Variants in CENPW observed in about 807,000 individuals in gnomAD.
The protein encoded by CENPW is cancer-up-regulated gene 2 protein.
CENPW carries 3 observed loss-of-function variants against 11.1 expected under a neutral mutation model. The observed-to-expected ratio is 0.27, with a 90% CI of 0.12 to 0.70. The LOEUF is 0.70. Among genes scored for constraint, CENPW ranks in the 30% least tolerant of loss-of-function variants. CENPW has a pLI of 0.77. For synonymous variants in CENPW, 38 were observed against 42.0 expected (o/e 0.91, Z 0.37); for missense variants, 100 against 105.6 (o/e 0.95, Z 0.23).
At chr6:126,354,112 C>G in the CENPW span, among the ~76,000 whole-genome samples, 1 of 151,218 alleles carries the variant, frequency 6.6e-6, no homozygotes, top group African/African-American at 2.4e-5. Context: ...TTTGGCATTA[C>G]TAATAAATTT....
the CENPW span, among the ~76,000 whole-genome samples, chr6:126,409,059 T>C: frequency 6.6e-6 from 1 of 152,112 alleles, no homozygotes; most frequent in Admixed American, 6.5e-5. Context: ...ACTTGAAATC[T>C]TTTTACTTTT....
the CENPW span, among the ~76,000 whole-genome samples, chr6:126,409,323 G>T: frequency 6.6e-6 from 1 of 152,294 alleles, no homozygotes; most frequent in East Asian, 1.9e-4. Flanking sequence ...GATTTGTTGA[G>T]ACTTGTTTTA....
chr6:126,473,957 C>A, the CENPW span, among the ~76,000 whole-genome samples: 1 of 145,784 alleles, frequency 6.9e-6, no homozygotes, highest in Non-Finnish European at 1.5e-5. Flanking sequence ...AGAATATATA[C>A]AGAATATATA....
the CENPW span, among the ~76,000 whole-genome samples, chr6:126,375,755 T>C: frequency 6.6e-6 from 1 of 152,170 alleles, no homozygotes; most frequent in Non-Finnish European, 1.5e-5. Flanking sequence ...CTTTCTGCTT[T>C]TCTTTTTTCT....
chr6:126,419,390 AATT>A, the CENPW span, among the ~76,000 whole-genome samples: 170 of 152,294 alleles, frequency 1.1e-3, 1 homozygote, highest in Non-Finnish European at 1.9e-3. Flanking sequence ...CATGATAAAC[AATT>A]ATTCACTCAA....
At chr6:126,348,232 T>G (rs190147834) in intron 2 of CENPW, among the ~76,000 whole-genome samples, 27 of 152,098 alleles carry the variant, frequency 1.8e-4, no homozygotes, top group African/African-American at 6.3e-4. Flanking sequence ...AGGCAGGTTT[T>G]TAGAATCTAG....
intron 2 of CENPW, among the ~76,000 whole-genome samples, chr6:126,347,505 T>C (rs1291304142): frequency 6.6e-6 from 1 of 152,150 alleles, no homozygotes; most frequent in East Asian, 1.9e-4. Flanking sequence ...TTCATTTGAG[T>C]ATTCAAACTT....
chr6:126,395,845 G>A, the CENPW span, among the ~76,000 whole-genome samples: 95 of 152,226 alleles, frequency 6.2e-4, no homozygotes, highest in African/African-American at 2.2e-3. Context: ...TGGCTTATCC[G>A]GCAAAGACTC....
chr6:126,406,504 T>G, the CENPW span, among the ~76,000 whole-genome samples: 1 of 152,176 alleles, frequency 6.6e-6, no homozygotes, highest in African/African-American at 2.4e-5. Context: ...TGAAAAAATT[T>G]CCTCCACTTC....
the CENPW span, among the ~76,000 whole-genome samples, chr6:126,387,677 G>T: frequency 6.6e-6 from 1 of 151,828 alleles, no homozygotes; most frequent in Admixed American, 6.6e-5. Context: ...TAACTAAGAG[G>T]TTTCTACCGA....
chr6:126,406,077 G>A, the CENPW span, among the ~76,000 whole-genome samples: 1 of 152,094 alleles, frequency 6.6e-6, no homozygotes, highest in Non-Finnish European at 1.5e-5. Context: ...TCAGCATAAC[G>A]TTAGCTGTGG....
the CENPW span, among the ~76,000 whole-genome samples, chr6:126,384,134 C>T: frequency 3.3e-5 from 5 of 152,086 alleles, no homozygotes; most frequent in Non-Finnish European, 7.4e-5. Flanking sequence ...AATTGAACAA[C>T]CTGCTCCTGA....
the CENPW span, among the ~76,000 whole-genome samples, chr6:126,397,390 C>T: frequency 6.6e-6 from 1 of 152,162 alleles, no homozygotes; most frequent in Non-Finnish European, 1.5e-5. Context: ...CTCCTCTAAG[C>T]ACTCAGATTC....
chr6:126,351,739 T>G (rs1243219776), downstream of CENPW, among the ~76,000 whole-genome samples: 2 of 152,060 alleles, frequency 1.3e-5, no homozygotes, highest in Non-Finnish European at 2.9e-5. Flanking sequence ...TTATGGGTGG[T>G]CTATATCTCA....
the CENPW span, among the ~76,000 whole-genome samples, chr6:126,413,102 C>T: frequency 1.3e-5 from 2 of 151,926 alleles, no homozygotes; most frequent in Non-Finnish European, 2.9e-5. Context: ...GCTTCTGATA[C>T]CTTCATTCCA....
At chr6:126,438,462 CAT>C in the CENPW span, among the ~76,000 whole-genome samples, 37 of 149,940 alleles carry the variant, frequency 2.5e-4, no homozygotes, top group South Asian at 7.2e-3. Flanking sequence ...AAATTAATAA[CAT>C]ATTAACATCT....
At chr6:126,411,303 A>G in the CENPW span, among the ~76,000 whole-genome samples, 3 of 152,320 alleles carry the variant, frequency 2.0e-5, no homozygotes, top group African/African-American at 7.2e-5. Flanking sequence ...TGGCAGCAGC[A>G]GTGACATAGT....
At chr6:126,420,542 TG>T in the CENPW span, among the ~76,000 whole-genome samples, 1 of 152,184 alleles carries the variant, frequency 6.6e-6, no homozygotes, top group African/African-American at 2.4e-5. Flanking sequence ...AGAAATGGCA[TG>T]GCTCCCCAAG....
chr6:126,421,315 T>C, the CENPW span, among the ~76,000 whole-genome samples: 1 of 152,156 alleles, frequency 6.6e-6, no homozygotes, highest in East Asian at 1.9e-4. Context: ...TTACTGTCTA[T>C]GTAGATGACA....
Sources: gnomAD v4.1 joint callset for allele counts (sites outside exome capture counted in the v4.1 genomes callset) on GRCh38, gnomAD v4.1.1 for gene constraint, MANE v1.5 for transcripts, NCBI Gene and HGNC (gene_info 2026-07-23, HGNC 2026-07-21) for gene names.